The following IL17RA variants were observed in gnomAD, a reference collection of about 807,000 sequenced individuals.
The protein encoded by IL17RA is interleukin-17 receptor A.
In IL17RA, 34 loss-of-function variants were observed where a neutral mutation model predicts 50.4. The ratio of observed to expected loss-of-function variants is 0.67; its 90% confidence interval spans 0.51 to 0.90. The LOEUF is 0.90. IL17RA is among the 40% of genes least tolerant of loss of function. The probability of loss-of-function intolerance (pLI) is 0.00; values close to 1 mark genes in which losing one functional copy is unlikely to be tolerated. For missense variants in IL17RA, 1,276 were observed against 1,169.8 expected, an observed-to-expected ratio of 1.09 and a Z score of -1.32; for synonymous variants, 585 against 510.4, an observed-to-expected ratio of 1.15 and a Z score of -1.97.
At position 17,115,423 on chromosome 22, in the gene IL17RA, G is replaced by A. The variant is rs1321279553; in HGVS notation, c.*5603G>A. ...GTTGATGGCCAAAGCCACAGCTAAC[G>A]AGAGGCAGAGAGAGCTCAGGCTCCC... On this transcript the variant is annotated 3_prime_UTR_variant, in exon 13 of 13. Transcript: ENST00000319363. 6.6e-6 allele frequency: 1 copy of A among 152,184 alleles called. No homozygotes were observed. 9.4% of individuals were successfully genotyped at this position (152,184 alleles called of 1,614,324 possible). A position where few individuals can be genotyped will look rare whatever the true frequency, so the allele number is the denominator to read the frequency against.
intron 4 of IL17RA, 113 bp downstream of exon 4, chr22:17,099,000 G>A (rs1258627077): frequency 2.3e-6 from 2 of 856,122 alleles, no homozygotes; most frequent in Non-Finnish European, 2.0e-6. Context: ...GGTGCTGAGG[G>A]AGTCTGTGGA....
intron 2 of IL17RA, chr22:17,097,397 A>G: frequency 1.9e-6 from 1 of 524,346 alleles, no homozygotes; most frequent in South Asian, 2.1e-5. Flanking sequence ...AAAGTGAGAG[A>G]CATCTGTGCT....
chr22:17,100,748 C>T (rs896528368), intron 5 of IL17RA, among the ~76,000 whole-genome samples: 15 of 152,294 alleles, frequency 9.8e-5, no homozygotes, highest in Middle Eastern at 6.8e-3. Flanking sequence ...CAGAGCACCT[C>T]CCTCTATCTA....
In IL17RA at chr22:17,109,917, CGT is replaced by C; in HGVS notation, c.*103_*104del. 8.7e-7 allele frequency: 1 copy of C among 1,149,126 alleles called. No individual in the cohort carries two copies. The highest frequency in any genetic ancestry group is 1.2e-6 in the Non-Finnish European group (1 of 811,680). The allele number at this position is 1,149,126 out of a possible 1,614,324, so 71.2% of individuals were successfully genotyped here. ...GTACATGTCTGCATGTGTATATGTT[CGT>C]GTGTGAAATGTAGGCTTTAAAATGT... On this transcript the variant is annotated 3_prime_UTR_variant, in exon 13 of 13. Coordinates refer to ENST00000319363, the MANE Select transcript of IL17RA (RefSeq NM_014339.7).
chr22:17,110,488 ACT>A lies in IL17RA; in HGVS notation c.*671_*672del, dbSNP rs200724444. On this transcript the variant is annotated 3_prime_UTR_variant, in exon 13 of 13. Coordinates refer to ENST00000319363, the MANE Select transcript of IL17RA (RefSeq NM_014339.7). ...ACTGCAGCCTGGATGACAGAGCGAGACTCTATCTCAAAAAAAAAAAAAAAAAA... is the reference window on the plus strand; with the variant it reads ...ACTGCAGCCTGGATGACAGAGCGAGACTATCTCAAAAAAAAAAAAAAAAAA... The A allele has an allele frequency of 0.031, 3,909 of 125,022 alleles. 163 individuals are homozygous for A. The highest frequency in any genetic ancestry group is 0.11 in the African/African-American group (3,641 of 32,830). 7.7% of individuals were successfully genotyped at this position (125,022 alleles called of 1,614,324 possible).
chr22:17,096,869 C>CAA (rs5844287), intron 1 of IL17RA, among the ~76,000 whole-genome samples, 193 bp from the exon 2 acceptor site: 2 of 116,096 alleles, frequency 1.7e-5, no homozygotes, highest in Non-Finnish European at 3.5e-5. Flanking sequence ...GACTCCATCT[C>CAA]AAAAAAAAAA....
At chr22:17,086,560 G>A (rs538805819) in intron 1 of IL17RA, among the ~76,000 whole-genome samples, 20 of 152,212 alleles carry the variant, frequency 1.3e-4, no homozygotes, top group Non-Finnish European at 2.5e-4. Flanking sequence ...AGTACAGGGC[G>A]CCATACTGGG....
chr22:17,100,629 C>A, intron 5 of IL17RA, 148 bp downstream of exon 5: 1 of 1,022,858 alleles, frequency 9.8e-7, no homozygotes, highest in Non-Finnish European at 1.5e-6. Context: ...GAGGCCAAGA[C>A]TGGGAGTGCT....
chr22:17,097,908 C>G lies in IL17RA; in HGVS notation c.275C>G (p.Pro92Arg), dbSNP rs1391459999. 6.2e-7 allele frequency: 1 copy of G among 1,614,184 alleles called. No individual in the cohort carries two copies. ...CACACCCAACAAGGAGACCTGTTCC[C>G]CGTGGCTCACATCGAATGGACACTG... ...FAHTQQGDLF[P>R]VAHIEWTLQT... The change falls in exon 3 of 13, where the codon CCC becomes CGC. Residue 92 changes from proline (P) to arginine (R), a missense_variant. Physicochemically the swap from Pro to Arg is moderately radical, Grantham distance 103. Coordinates refer to ENST00000319363, the MANE Select transcript of IL17RA (RefSeq NM_014339.7).
chr22:17,085,412 C>A, intron 1 of IL17RA, 183 bp downstream of exon 1: 2 of 591,998 alleles, frequency 3.4e-6, no homozygotes, highest in Non-Finnish European at 4.2e-6. Context: ...ACCCTCGGAG[C>A]GGTGGGAGTT....
chr22:17,109,630 C>A lies in IL17RA; in HGVS notation c.2411C>A (p.Pro804His), dbSNP rs1290874167. The change falls in exon 13 of 13, where the codon CCC (proline) becomes CAC (histidine). Residue 804 changes from proline (P) to histidine (H), a missense_variant. By Grantham distance (77) the Pro-to-His change is moderately conservative (BLOSUM62 -2). Coordinates refer to ENST00000319363, the MANE Select transcript of IL17RA (RefSeq NM_014339.7). The part of the protein sequence containing the change: ...QGYISRSSPQ[P>H]PEGLTEMEEE... ...TACATCTCCAGGAGCTCCCCGCAGC[C>A]CCCCGAGGGACTCACGGAAATGGAG... 2 of 1,608,632 alleles carry A rather than the reference C, an allele frequency of 1.2e-6. No homozygotes were observed. The highest frequency in any genetic ancestry group is 2.2e-5 in the East Asian group (1 of 44,706).
rs764561483 is a variant in IL17RA, at chr22:17,109,385, C to T, written c.2166C>T (p.Asp722=). Residue 722 remains aspartate, a synonymous_variant, in exon 13 of 13, where the codon GAC becomes GAT. Coordinates refer to ENST00000319363, the MANE Select transcript of IL17RA (RefSeq NM_014339.7). ...ATAGCGTCCTCTTCCTCCCCGTGGA[C>T]CCCGAGGACTCGCCCCTTGGCAGCA... The part of the protein sequence containing the change: ...GRNSVLFLPV[D]PEDSPLGSST... 1.2e-6 allele frequency: 2 copies of T among 1,612,414 alleles called. No individual in the cohort carries two copies. The highest frequency in any genetic ancestry group is 1.1e-5 in the South Asian group (1 of 90,942).
rs2061422876 is a variant in IL17RA at position 17,108,423 on chromosome 22, C to G, written c.1204C>G (p.Leu402Val). 2.5e-6 allele frequency: 4 copies of G among 1,613,984 alleles called. No homozygotes were observed. In the Admixed American group the frequency reaches 5.0e-5, roughly 20 times the overall value. The change falls in exon 13 of 13, where the codon CTG becomes GTG. Residue 402 changes from leucine (L) to valine (V), a missense_variant. By Grantham distance (32) the Leu-to-Val change is conservative. Coordinates refer to ENST00000319363, the MANE Select transcript of IL17RA (RefSeq NM_014339.7). ...CGTGGTCCTGAAATTCGCCCAGTTC[C>G]TGCTCACCGCCTGCGGCACGGAAGT... ...VDVVLKFAQF[L>V]LTACGTEVAL...
chr22:17,112,927 A>C lies in IL17RA; in HGVS notation c.*3107A>C, dbSNP rs2123817176. On this transcript the variant is annotated 3_prime_UTR_variant, in exon 13 of 13. Coordinates refer to ENST00000319363, the MANE Select transcript of IL17RA (RefSeq NM_014339.7). Reference sequence around the variant, plus strand: ...CAGGCCGATTATGCACGCAGCCACCAACAAGCTCCCAACTCCCGCGTAGAG... The same window carrying C: ...CAGGCCGATTATGCACGCAGCCACCCACAAGCTCCCAACTCCCGCGTAGAG... 6.6e-6 allele frequency: 1 copy of C among 151,724 alleles called. No homozygotes were observed. Among genetic ancestry groups the C allele is most frequent in the South Asian group, 2.1e-4 (1 of 4,794 alleles). 9.4% of individuals were successfully genotyped at this position (151,724 alleles called of 1,614,324 possible).
Position 17,100,427 on chromosome 22 carries a change from A to C in IL17RA, c.496A>C (p.Lys166Gln). The part of the protein sequence containing the change: ...EYEVTVHHLP[K>Q]PIPDGDPNHQ... Reference sequence around the variant, plus strand: ...TGAGGTGACCGTTCACCACCTGCCCAAGCCCATCCCTGATGGGGACCCAAA... The same window carrying C: ...TGAGGTGACCGTTCACCACCTGCCCCAGCCCATCCCTGATGGGGACCCAAA... The change falls in exon 5 of 13, where the codon AAG (lysine) becomes CAG (glutamine). Residue 166 changes from lysine (K) to glutamine (Q), a missense_variant. By Grantham distance (53) the Lys-to-Gln change is moderately conservative. Transcript: ENST00000319363. 6.2e-7 allele frequency: 1 copy of C among 1,614,162 alleles called. No individual in the cohort carries two copies. Among genetic ancestry groups the C allele is most frequent in the East Asian group, 2.2e-5 (1 of 44,878 alleles).
rs949945147 is a variant in IL17RA at position 17,112,782 on chromosome 22, T to G, written c.*2962T>G. On this transcript the variant is annotated 3_prime_UTR_variant, in exon 13 of 13. Coordinates refer to ENST00000319363, the MANE Select transcript of IL17RA (RefSeq NM_014339.7). ...ATAAATTGTTTCACCAAGAAATGTC[T>G]CTCTAAGAACAGGTGCCCTCCACGC... The G allele has an allele frequency of 6.6e-6, 1 of 152,132 alleles. No individual in the cohort carries two copies. The highest frequency in any genetic ancestry group is 1.5e-5 in the Non-Finnish European group (1 of 68,048). The allele number at this position is 152,132 out of a possible 1,614,324, so 9.4% of individuals were successfully genotyped here.
At chr22:17,091,862 G>A (rs1298375890) in intron 1 of IL17RA, among the ~76,000 whole-genome samples, 3 of 151,910 alleles carry the variant, frequency 2.0e-5, no homozygotes, top group African/African-American at 4.8e-5. Flanking sequence ...TTTTAATTTG[G>A]CAACGTGATA....
chr22:17,101,170 C>T (rs1448436750), intron 5 of IL17RA, among the ~76,000 whole-genome samples: 1 of 152,186 alleles, frequency 6.6e-6, no homozygotes, highest in Non-Finnish European at 1.5e-5. Flanking sequence ...TCTCCTGCCT[C>T]AGTCTCTCTA....
chr22:17,085,126 C>A lies in IL17RA; in HGVS notation c.35C>A (p.Pro12Gln). ...GAARSPPSAVPGPLLGLLLLL... is the reference protein window; with the variant it reads ...GAARSPPSAVQGPLLGLLLLL... The stretch of plus-strand genomic sequence containing the variant: ...GCACGCAGCCCGCCGTCCGCTGTCC[C>A]GGGGCCCCTGCTGGGGCTGCTCCTG... Residue 12 changes from proline to glutamine, a missense_variant, in exon 1 of 13, where the codon CCG (proline) becomes CAG (glutamine). Physicochemically the swap from Pro to Gln is moderately conservative, Grantham distance 76 (BLOSUM62 -1). Coordinates refer to ENST00000319363, the MANE Select transcript of IL17RA (RefSeq NM_014339.7). The A allele has an allele frequency of 1.4e-6, 2 of 1,459,546 alleles. No homozygotes were observed. The highest frequency in any genetic ancestry group is 1.8e-6 in the Non-Finnish European group (2 of 1,107,506). 90.4% of individuals were successfully genotyped at this position (1,459,546 alleles called of 1,614,324 possible).
Sources: gnomAD v4.1 joint callset for allele counts (sites outside exome capture counted in the v4.1 genomes callset) on GRCh38, gnomAD v4.1.1 for gene constraint, MANE v1.5 for transcripts, NCBI Gene and HGNC (gene_info 2026-07-23, HGNC 2026-07-21) for gene names.